Variants in CEP85 observed in about 807,000 individuals in gnomAD.
CEP85 encodes centrosomal protein 85, also known as centrosomal protein of 85 kDa.
A neutral mutation model predicts 93.7 loss-of-function variants in CEP85; 58 were observed. The ratio of observed to expected loss-of-function variants is 0.62; its 90% confidence interval spans 0.50 to 0.77. The LOEUF is 0.77. Ranked by LOEUF, CEP85 falls within the 30% of genes least tolerant of loss-of-function variation. CEP85 has a pLI of 0.00. For missense variants in CEP85, 868 were observed against 922.0 expected (o/e 0.94, Z 0.76); for synonymous variants, 314 against 338.6 (o/e 0.93, Z 0.80).
chr1:26,237,174 G>A (rs79959152), intron 1 of CEP85, among the ~76,000 whole-genome samples: 2,623 of 152,208 alleles, frequency 0.017, 46 homozygotes, highest in Non-Finnish European at 0.025. Context: ...GATCCATTCA[G>A]GTGGTTGGGG....
intron 10 of CEP85, chr1:26,271,458 A>T (rs539410949): frequency 5.6e-6 from 1 of 179,416 alleles, no homozygotes; most frequent in South Asian, 1.5e-4. Flanking sequence ...CTAACCAGTG[A>T]GGTGCCCTGG....
intron 4 of CEP85, among the ~76,000 whole-genome samples, chr1:26,256,100 G>A (rs1313860837): frequency 1.3e-5 from 2 of 152,132 alleles, no homozygotes; most frequent in East Asian, 1.9e-4. Context: ...ACCTAAAAAC[G>A]TATTTATACG....
intron 7 of CEP85, among the ~76,000 whole-genome samples, chr1:26,265,421 A>G (rs944383450): frequency 6.6e-6 from 1 of 152,026 alleles, no homozygotes; most frequent in African/African-American, 2.4e-5. Flanking sequence ...ACCCGGCCAT[A>G]TACATAGATT....
chr1:26,259,743 G>GCTCAA lies in CEP85; in HGVS notation c.1282_1283insCTCAA (p.Glu428AlafsTer16). On this transcript the variant is annotated frameshift_variant, in exon 7 of 14. Coordinates refer to ENST00000451429, the MANE Select transcript of CEP85 (RefSeq NM_001319944.2). LOFTEE classifies it high-confidence loss of function. ...TGAAGTTGAAGTCCAGCTCATCAGA[G>GCTCAA]AGTCGCTCAAAGTGGCGTTGCAGAA... 6.2e-7 allele frequency: 1 copy of GCTCAA among 1,613,876 alleles called. No homozygotes were observed.
intron 7 of CEP85, among the ~76,000 whole-genome samples, chr1:26,268,160 C>G (rs1367279652): frequency 6.6e-6 from 1 of 152,166 alleles, no homozygotes; most frequent in African/African-American, 2.4e-5. Context: ...AGGGTTGCTT[C>G]AAAAAAAGTT....
At chr1:26,257,320 C>G (rs1015925860) in intron 4 of CEP85, among the ~76,000 whole-genome samples, 1 of 152,140 alleles carries the variant, frequency 6.6e-6, no homozygotes, top group African/African-American at 2.4e-5. Context: ...TGAGGACATC[C>G]TAGCTCCTGG....
intron 3 of CEP85, among the ~76,000 whole-genome samples, chr1:26,249,950 T>C (rs532447129): frequency 3.9e-5 from 6 of 152,270 alleles, no homozygotes; most frequent in African/African-American, 1.4e-4. Context: ...ACCATCATAG[T>C]GTACTATAGC....
At chr1:26,243,499 C>A (rs7526545) in intron 2 of CEP85, among the ~76,000 whole-genome samples, 80,701 of 151,860 alleles carry the variant, frequency 0.53, 22,712 homozygotes, top group Non-Finnish European at 0.65. Context: ...AAATATCAGC[C>A]CTCCCCTCTG....
intron 7 of CEP85, among the ~76,000 whole-genome samples, chr1:26,266,067 G>C (rs2089889451): frequency 6.6e-6 from 1 of 152,164 alleles, no homozygotes; most frequent in African/African-American, 2.4e-5. Context: ...AAATTAGCTG[G>C]GCGTGGTGGT....
intron 3 of CEP85, 69 bp from the exon 4 acceptor site, chr1:26,255,102 G>C: frequency 7.9e-7 from 1 of 1,272,972 alleles, no homozygotes; most frequent in Non-Finnish European, 1.1e-6. Flanking sequence ...AGAGCTTCTG[G>C]CATAGCATTC....
intron 11 of CEP85, among the ~76,000 whole-genome samples, chr1:26,273,901 A>AAAATAAATAAATAAATAAAT (rs1553161625): frequency 7.1e-6 from 1 of 141,462 alleles, no homozygotes; most frequent in Non-Finnish European, 1.5e-5. Context: ...ACCCCATCTC[A>AAAATAAATAAATAAATAAAT]AAATAAATAA....
chr1:26,250,925 CTTTTTTCTTTTTTTTTTTTTTTTT>C (rs1358865960), intron 3 of CEP85, among the ~76,000 whole-genome samples: 2 of 55,160 alleles, frequency 3.6e-5, no homozygotes, highest in African/African-American at 1.2e-4. Flanking sequence ...TTTTTTTTTT[CTTTTTTCTTTTTTTTTTTTTTTTT>C]TTTTTTTTTG....
At chr1:26,244,401 GT>G in intron 3 of CEP85, 83 bp downstream of exon 3, 24 of 1,245,400 alleles carry the variant, frequency 1.9e-5, no homozygotes, top group Non-Finnish European at 2.7e-5. Context: ...TTTCCAGATT[GT>G]GTTATTTCCA....
chr1:26,234,630 G>C (rs1484246970), intron 1 of CEP85, among the ~76,000 whole-genome samples: 2 of 152,258 alleles, frequency 1.3e-5, no homozygotes, highest in Non-Finnish European at 2.9e-5. Flanking sequence ...CACAGCCCTG[G>C]GAGTCGACGT....
chr1:26,277,203 T>G lies in CEP85; in HGVS notation c.2196T>G (p.Val732=), dbSNP rs923631847. Residue 732 remains valine, a synonymous_variant, in exon 14 of 14, where the codon GTT becomes GTG. Transcript: ENST00000451429. ...TGATCAAGAGGAAACTAGAAGAGGT[T>G]CAACAGCTGCGTCGTGACATTGAGG... ...PDVIKRKLEE[V]QQLRRDIEDL... is the part of the protein sequence containing the mutation. The G allele has an allele frequency of 4.6e-5, 74 of 1,614,070 alleles. No individual in the cohort carries two copies. The highest frequency in any genetic ancestry group is 6.6e-5 in the South Asian group (6 of 91,094).
At chr1:26,235,961 T>C (rs964369661) in intron 1 of CEP85, among the ~76,000 whole-genome samples, 3 of 152,182 alleles carry the variant, frequency 2.0e-5, no homozygotes, top group Admixed American at 1.3e-4. Context: ...AAAGCCTAGG[T>C]GATGACCAAG....
At chr1:26,264,980 CTTTTT>C (rs766050519) in intron 7 of CEP85, among the ~76,000 whole-genome samples, 1 of 92,900 alleles carries the variant, frequency 1.1e-5, no homozygotes, top group East Asian at 2.9e-4. Flanking sequence ...CCACACCCGG[CTTTTT>C]TTTTTTTTTT....
intron 2 of CEP85, among the ~76,000 whole-genome samples, chr1:26,243,145 T>C (rs1479653957): frequency 6.6e-6 from 1 of 151,054 alleles, no homozygotes. Flanking sequence ...TTTTTTTTTT[T>C]TTCTGAGATG....
chr1:26,271,168 A>G (rs999514058), intron 10 of CEP85, 61 bp downstream of exon 10: 20 of 1,017,606 alleles, frequency 2.0e-5, no homozygotes, highest in Non-Finnish European at 3.1e-5. Flanking sequence ...AAGATTGTGT[A>G]TTAGGAGGGA....
Sources: gnomAD v4.1 joint callset for allele counts (sites outside exome capture counted in the v4.1 genomes callset) on GRCh38, gnomAD v4.1.1 for gene constraint, MANE v1.5 for transcripts, NCBI Gene and HGNC (gene_info 2026-07-23, HGNC 2026-07-21) for gene names.